The following HMGCLL1 variants were observed in gnomAD, a reference collection of about 807,000 sequenced individuals.
The protein encoded by HMGCLL1 is 3-hydroxymethyl-3-methylglutaryl-CoA lyase, cytoplasmic.
Under a neutral mutation model 39.1 loss-of-function variants are expected in HMGCLL1, and 36 were observed. The ratio of observed to expected loss-of-function variants is 0.92; its 90% confidence interval spans 0.71 to 1.22. The LOEUF is 1.22. Among genes scored for constraint, HMGCLL1 ranks in the 50% most tolerant of loss-of-function variants. The pLI is 0.00. For synonymous variants in HMGCLL1, 149 were observed against 144.0 expected (o/e 1.03, Z -0.25); for missense variants, 451 against 416.5 (o/e 1.08, Z -0.72).
At chr6:55,568,781 C>T (rs751092783) in intron 1 of HMGCLL1, among the ~76,000 whole-genome samples, 73 of 152,074 alleles carry the variant, frequency 4.8e-4, no homozygotes, top group Admixed American at 7.9e-4. Flanking sequence ...AACCATGGGT[C>T]ATATGAGAGT....
chr6:55,573,868 T>C (rs1229760683), intron 1 of HMGCLL1, among the ~76,000 whole-genome samples: 1 of 152,034 alleles, frequency 6.6e-6, no homozygotes, highest in Non-Finnish European at 1.5e-5. Flanking sequence ...GCCAGATGAA[T>C]GCAAAAGAAA....
chr6:55,485,318 G>T (rs1765966889), intron 7 of HMGCLL1, among the ~76,000 whole-genome samples: 1 of 151,948 alleles, frequency 6.6e-6, no homozygotes, highest in South Asian at 2.1e-4. Flanking sequence ...GTGTGTGTGT[G>T]TTGGGGGGGT....
At chr6:55,586,630 T>C in the HMGCLL1 span, among the ~76,000 whole-genome samples, 5 of 150,330 alleles carry the variant, frequency 3.3e-5, no homozygotes, top group East Asian at 9.9e-4. Flanking sequence ...CACCTATGAG[T>C]GAGAACATAC....
At chr6:55,669,272 A>G in the HMGCLL1 span, among the ~76,000 whole-genome samples, 1 of 151,880 alleles carries the variant, frequency 6.6e-6, no homozygotes, top group Non-Finnish European at 1.5e-5. Flanking sequence ...TGATGTACAC[A>G]TGAAACAAAT....
Position 55,543,873 on chromosome 6 carries a change from A to T in HMGCLL1, c.109-1733T>A, listed in dbSNP as rs9367639. 8.6e-4 allele frequency among the ~76,000 whole-genome samples: 131 copies of T among 151,962 alleles called. 1 individual carries two copies. The East Asian group carries it at 0.023, about 26-fold the overall frequency. On this transcript the variant is annotated intron_variant, in intron 1 of 8. Transcript: ENST00000274901. ...GGGTGACGCAATTAGACCCTGTCTA[A>T]ATAAATAAATAACTCTTTAAGTTAA...
intron 3 of HMGCLL1, among the ~76,000 whole-genome samples, chr6:55,521,204 T>C (rs1399749976): frequency 1.3e-5 from 2 of 152,094 alleles, no homozygotes; most frequent in African/African-American, 4.8e-5. Flanking sequence ...ACAGTTTAAG[T>C]GTTGTTAGTG....
chr6:55,477,157 A>C (rs1345233443), intron 7 of HMGCLL1, among the ~76,000 whole-genome samples: 2 of 53,858 alleles, frequency 3.7e-5, no homozygotes, highest in Non-Finnish European at 6.3e-5. Flanking sequence ...TATATATTAT[A>C]TATTATAATA....
the HMGCLL1 span, among the ~76,000 whole-genome samples, chr6:55,627,739 G>C: frequency 1.1e-4 from 16 of 146,862 alleles, no homozygotes; most frequent in Admixed American, 1.2e-3. Context: ...TCTTTCTCTT[G>C]TGCTGGATGC....
intron 7 of HMGCLL1, among the ~76,000 whole-genome samples, chr6:55,492,210 T>C (rs1766348505): frequency 6.6e-6 from 1 of 152,196 alleles, no homozygotes; most frequent in Admixed American, 6.5e-5. Context: ...GATTCCATTT[T>C]TTAAAAATGA....
chr6:55,578,777 T>G (rs1034688845), intron 1 of HMGCLL1, among the ~76,000 whole-genome samples, 171 bp downstream of exon 1: 16 of 152,242 alleles, frequency 1.1e-4, no homozygotes, highest in East Asian at 3.9e-4. Context: ...CGAAGAGAGA[T>G]AACGGGAAAC....
At chr6:55,658,883 T>A in the HMGCLL1 span, among the ~76,000 whole-genome samples, 1 of 151,890 alleles carries the variant, frequency 6.6e-6, no homozygotes. Context: ...TAGGATAGAA[T>A]ATCAAAGCAC....
chr6:55,647,745 C>CTTTTTTTTTTTTTTTTTT, the HMGCLL1 span, among the ~76,000 whole-genome samples: 109 of 115,810 alleles, frequency 9.4e-4, no homozygotes, highest in African/African-American at 1.7e-3. Flanking sequence ...TTTTTTTTTC[C>CTTTTTTTTTTTTTTTTTT]TTTTTTTTTT....
chr6:55,543,488 GATATATATC>G, intron 1 of HMGCLL1, among the ~76,000 whole-genome samples: 1 of 8,478 alleles, frequency 1.2e-4, no homozygotes, highest in South Asian at 2.2e-3. Context: ...ATATATATAT[GATATATATC>G]ATATATATCA....
chr6:55,662,821 T>C, the HMGCLL1 span, among the ~76,000 whole-genome samples: 2 of 151,790 alleles, frequency 1.3e-5, no homozygotes, highest in Admixed American at 6.6e-5. Flanking sequence ...CTGGGTTTTG[T>C]TGTTGTTGTT....
intron 7 of HMGCLL1, among the ~76,000 whole-genome samples, chr6:55,492,157 C>A (rs1340511180): frequency 6.6e-6 from 1 of 152,158 alleles, no homozygotes; most frequent in East Asian, 1.9e-4. Context: ...CAAATGATAT[C>A]TAGTCCACAT....
the HMGCLL1 span, among the ~76,000 whole-genome samples, chr6:55,640,427 A>T: frequency 6.6e-6 from 1 of 152,064 alleles, no homozygotes; most frequent in Non-Finnish European, 1.5e-5. Flanking sequence ...AAGAAGACAT[A>T]GAGGAGTACA....
chr6:55,633,180 T>C, the HMGCLL1 span, among the ~76,000 whole-genome samples: 29 of 152,222 alleles, frequency 1.9e-4, no homozygotes, highest in East Asian at 1.5e-3. Flanking sequence ...CATTCAAATT[T>C]ACGTTTCACA....
upstream of HMGCLL1, among the ~76,000 whole-genome samples, chr6:55,583,313 T>C (rs1049941733): frequency 2.6e-5 from 4 of 152,090 alleles, no homozygotes; most frequent in African/African-American, 9.7e-5. Context: ...TCATTTAGCA[T>C]TAGGTATATC....
intron 1 of HMGCLL1, among the ~76,000 whole-genome samples, chr6:55,564,318 A>G (rs1440373048): frequency 3.9e-5 from 6 of 152,084 alleles, no homozygotes; most frequent in African/African-American, 2.4e-5. Context: ...GTCTCAACTC[A>G]TATCTTAGTA....
Sources: gnomAD v4.1 joint callset for allele counts (sites outside exome capture counted in the v4.1 genomes callset) on GRCh38, gnomAD v4.1.1 for gene constraint, MANE v1.5 for transcripts, NCBI Gene and HGNC (gene_info 2026-07-23, HGNC 2026-07-21) for gene names.